CFTR: variants seen among roughly 807,000 people sequenced by gnomAD.
CFTR encodes cystic fibrosis transmembrane conductance regulator.
CFTR carries 181 observed loss-of-function variants against 171.6 expected under a neutral mutation model. The observed-to-expected ratio is 1.05, with a 90% CI of 0.93 to 1.19. The LOEUF is 1.19. Among genes scored for constraint, CFTR ranks in the 50% most tolerant of loss-of-function variants. The pLI, the probability that CFTR is intolerant of heterozygous loss-of-function variation, is 0.00. For synonymous variants in CFTR, 583 were observed against 608.0 expected (o/e 0.96, Z 0.60); for missense variants, 1,968 against 1,734.7 (o/e 1.13, Z -2.39).
intron 15 of CFTR, among the ~76,000 whole-genome samples, chr7:117,600,862 T>G (rs1424758708): frequency 6.6e-6 from 1 of 152,114 alleles, no homozygotes; most frequent in Non-Finnish European, 1.5e-5. Context: ...AGAACTTGCT[T>G]ACTCAATTGC....
chr7:117,498,777 C>T (rs1392311890), intron 1 of CFTR, among the ~76,000 whole-genome samples: 1 of 151,356 alleles, frequency 6.6e-6, no homozygotes, highest in Non-Finnish European at 1.5e-5. Flanking sequence ...CAATCTTTTC[C>T]AATGAGTCCC....
At chr7:117,574,125 T>C (rs1402770154) in intron 11 of CFTR, among the ~76,000 whole-genome samples, 1 of 152,024 alleles carries the variant, frequency 6.6e-6, no homozygotes, top group Non-Finnish European at 1.5e-5. Flanking sequence ...AAGATAAATA[T>C]ATTACCAGAT....
chr7:117,550,443 CA>C (rs1387590835), intron 10 of CFTR, among the ~76,000 whole-genome samples: 1 of 151,958 alleles, frequency 6.6e-6, no homozygotes, highest in African/African-American at 2.4e-5. Context: ...TGGAATTGTG[CA>C]TTTTTTCTTA....
rs769128872 is a variant in CFTR, at chr7:117,480,079, C to T, written c.-16C>T. The T allele has an allele frequency of 4.3e-6, 7 of 1,613,794 alleles. No homozygotes were observed. In the Middle Eastern group the frequency reaches 6.6e-4, roughly 152 times the overall value. On this transcript the variant is annotated 5_prime_UTR_variant, in exon 1 of 27. Coordinates refer to ENST00000003084, the MANE Select transcript of CFTR (RefSeq NM_000492.4). ...GCCCAGACGGCCCTAGCAGGGACCC[C>T]AGCGCCCGAGAGACCATGCAGAGGT... is the stretch of plus-strand genomic sequence containing the variant.
chr7:117,586,033 T>G (rs536718512), intron 11 of CFTR, among the ~76,000 whole-genome samples: 28 of 152,322 alleles, frequency 1.8e-4, no homozygotes, highest in African/African-American at 6.7e-4. Context: ...GTTTTGTAAT[T>G]GCTGTAAAAC....
intron 21 of CFTR, among the ~76,000 whole-genome samples, chr7:117,620,002 C>A (rs1238270995): frequency 6.6e-6 from 1 of 152,140 alleles, no homozygotes; most frequent in Non-Finnish European, 1.5e-5. Context: ...CTGCATTACT[C>A]CTAATGCCTA....
intron 23 of CFTR, among the ~76,000 whole-genome samples, chr7:117,648,345 GT>G (rs1793029843): frequency 6.6e-6 from 1 of 151,982 alleles, no homozygotes; most frequent in Admixed American, 6.6e-5. Context: ...GCCTGTTGCA[GT>G]GAAATATACA....
chr7:117,589,623 A>G (rs1791996869), intron 12 of CFTR, among the ~76,000 whole-genome samples: 1 of 151,984 alleles, frequency 6.6e-6, no homozygotes, highest in Non-Finnish European at 1.5e-5. Context: ...TATTTTAGCT[A>G]AATAGTAAAA....
chr7:117,534,878 G>A (rs1798922308), intron 5 of CFTR, among the ~76,000 whole-genome samples: 1 of 152,178 alleles, frequency 6.6e-6, no homozygotes, highest in Non-Finnish European at 1.5e-5. Context: ...TGTGGATTAA[G>A]TCCCTGGAGA....
intron 23 of CFTR, among the ~76,000 whole-genome samples, chr7:117,650,007 A>T (rs76888219): frequency 0.021 from 3,184 of 152,178 alleles, 124 homozygotes; most frequent in African/African-American, 0.073. Flanking sequence ...AAAGAAAGCT[A>T]GTGTGGTGGC....
chr7:117,603,721 C>T lies in CFTR; in HGVS notation c.2847C>T (p.His949=), dbSNP rs767677110. 1.2e-6 allele frequency: 2 copies of T among 1,613,966 alleles called. No individual in the cohort carries two copies. Among genetic ancestry groups the T allele is most frequent in the Non-Finnish European group, 1.7e-6 (2 of 1,179,894 alleles). The change falls in exon 17 of 27, where the codon CAC becomes CAT. Residue 949 remains histidine, a synonymous_variant. Transcript: ENST00000003084. ...HTLITVSKIL[H]HKMLHSVLQA... ...TAATCACAGTGTCGAAAATTTTACACCACAAAATGTTACATTCTGTTCTTC... is the reference window on the plus strand; with the variant it reads ...TAATCACAGTGTCGAAAATTTTACATCACAAAATGTTACATTCTGTTCTTC...
At chr7:117,621,963 G>T (rs1792589174) in intron 21 of CFTR, among the ~76,000 whole-genome samples, 1 of 152,132 alleles carries the variant, frequency 6.6e-6, no homozygotes, top group Non-Finnish European at 1.5e-5. Flanking sequence ...TGAAACGTTG[G>T]TGTTAACTTG....
At position 117,530,976 on chromosome 7, in the gene CFTR, C is replaced by T. The variant is rs2116670233; in HGVS notation, c.351C>T (p.Arg117=). Residue 117 remains arginine (R), a synonymous_variant, in exon 4 of 27, where the codon CGC becomes CGT. Transcript: ENST00000003084. ...ASYDPDNKEE[R]SIAIYLGIGL... is the part of the protein sequence containing the mutation. ...ATGACCCGGATAACAAGGAGGAACG[C>T]TCTATCGCGATTTATCTAGGCATAG... The T allele has an allele frequency of 6.2e-7, 1 of 1,613,764 alleles. No individual in the cohort carries two copies. The highest frequency in any genetic ancestry group is 8.5e-7 in the Non-Finnish European group (1 of 1,179,796).
chr7:117,514,650 T>C (rs764118378), intron 3 of CFTR, among the ~76,000 whole-genome samples: 1 of 152,198 alleles, frequency 6.6e-6, no homozygotes, highest in Non-Finnish European at 1.5e-5. Flanking sequence ...GTAGAATGAT[T>C]TATATTACTT....
chr7:117,627,382 G>C (rs1294410440), intron 21 of CFTR, 140 bp from the exon 22 acceptor site: 1 of 852,080 alleles, frequency 1.2e-6, no homozygotes, highest in Non-Finnish European at 1.9e-6. Flanking sequence ...TTTCCTGTTA[G>C]TTCATTGAAA....
chr7:117,572,072 G>C lies in CFTR; in HGVS notation c.1584+12417G>C, dbSNP rs1253322470. 5.3e-5 allele frequency among the ~76,000 whole-genome samples: 8 copies of C among 152,144 alleles called. No homozygotes were observed. In the East Asian group the frequency reaches 1.4e-3, roughly 26 times the overall value. Reference sequence around the variant, plus strand: ...GCTGGAGTGCAGTGGCATGATCTTGGCTCACTCCAACCTCTGCCTCCCGGG... The same window carrying C: ...GCTGGAGTGCAGTGGCATGATCTTGCCTCACTCCAACCTCTGCCTCCCGGG... On this transcript the variant is annotated intron_variant, in intron 11 of 26. Transcript: ENST00000003084.
At chr7:117,577,361 T>G (rs1467739051) in intron 11 of CFTR, among the ~76,000 whole-genome samples, 1 of 152,152 alleles carries the variant, frequency 6.6e-6, no homozygotes, top group Non-Finnish European at 1.5e-5. Flanking sequence ...TTGTGTTGTT[T>G]TAAGCAGAAG....
chr7:117,509,148 G>T lies in CFTR; in HGVS notation c.273+6G>T. On this transcript the variant is annotated splice_donor_region_variant and intron_variant, in intron 3 of 26. Coordinates refer to ENST00000003084, the MANE Select transcript of CFTR (RefSeq NM_000492.4). ...GAATCTTTTTATATTTAGGGGTAAG[G>T]ATCTCATTTGTACATTCATTATGTA... 7.0e-7 allele frequency: 1 copy of T among 1,437,888 alleles called. No homozygotes were observed. Among genetic ancestry groups the T allele is most frequent in the African/African-American group, 1.4e-5 (1 of 71,596 alleles). 89.1% of individuals were successfully genotyped at this position (1,437,888 alleles called of 1,614,324 possible).
rs573044649 is a variant in CFTR at position 117,541,242 on chromosome 7, T to TAG, written c.1117-756_1117-755dup. ...TTCTGTTAGCCCATTGAGAGAGAAATAGAGAGAGAGAGAGAGAGAAAGAAA... is the reference window on the plus strand; with the variant it reads ...TTCTGTTAGCCCATTGAGAGAGAAATAGAGAGAGAGAGAGAGAGAGAAAGAAA... On this transcript the variant is annotated intron_variant, in intron 8 of 26. Coordinates refer to ENST00000003084, the MANE Select transcript of CFTR (RefSeq NM_000492.4). 4.4e-3 allele frequency among the ~76,000 whole-genome samples: 656 copies of TAG among 147,530 alleles called. 5 individuals carry two copies. Among genetic ancestry groups the TAG allele is most frequent in the Non-Finnish European group, 5.4e-3 (359 of 66,570 alleles).
Sources: allele counts gnomAD v4.1 joint callset (sites outside exome capture counted in the v4.1 genomes callset), GRCh38; gene constraint gnomAD v4.1.1; transcripts MANE v1.5; gene names NCBI Gene and HGNC (gene_info 2026-07-23, HGNC 2026-07-21).